The following ESRRG variants were observed in gnomAD, a reference collection of about 807,000 sequenced individuals.
ESRRG encodes estrogen-related receptor gamma.
Under a neutral mutation model 44.0 loss-of-function variants are expected in ESRRG, and 13 were observed. The ratio of observed to expected loss-of-function variants is 0.30; its 90% CI spans 0.19 to 0.47. ESRRG has a LOEUF of 0.47. Ranked by LOEUF, ESRRG falls within the 20% of genes least tolerant of loss-of-function variation. ESRRG has a pLI of 1.00. For synonymous variants in ESRRG, 215 were observed against 214.6 expected, an observed-to-expected ratio of 1.00 and a Z score of -0.02; for missense variants, 395 against 580.6, an observed-to-expected ratio of 0.68 and a Z score of 3.29.
chr1:216,904,042 A>G (rs1163229500), intron 2 of ESRRG, among the ~76,000 whole-genome samples: 1 of 152,138 alleles, frequency 6.6e-6, no homozygotes, highest in Non-Finnish European at 1.5e-5. Flanking sequence ...CACCTGCAAA[A>G]CAAGCATAGT....
intron 2 of ESRRG, among the ~76,000 whole-genome samples, chr1:216,827,907 G>C (rs919788779): frequency 1.3e-5 from 2 of 152,124 alleles, no homozygotes; most frequent in Non-Finnish European, 2.9e-5. Context: ...TTTGAATTAG[G>C]GTTTTGAAAG....
chr1:217,000,318 C>T (rs574530992), intron 1 of ESRRG: 26 of 152,274 alleles, frequency 1.7e-4, no homozygotes, highest in African/African-American at 4.8e-4. Flanking sequence ...TAGGCTATGA[C>T]GGAGACTCTG....
intron 1 of ESRRG, among the ~76,000 whole-genome samples, chr1:217,038,887 C>T (rs1203815678): frequency 6.6e-6 from 1 of 152,178 alleles, no homozygotes; most frequent in African/African-American, 2.4e-5. Context: ...CTCCATTTCC[C>T]TTTTAAAACC....
chr1:217,079,053 A>C (rs2091545985), intron 1 of ESRRG, among the ~76,000 whole-genome samples: 1 of 152,206 alleles, frequency 6.6e-6, no homozygotes, highest in Non-Finnish European at 1.5e-5. Flanking sequence ...CACCTTCTTT[A>C]TTATCATCCT....
intron 3 of ESRRG, among the ~76,000 whole-genome samples, chr1:216,614,722 A>C (rs1021821182): frequency 3.9e-5 from 6 of 152,246 alleles, no homozygotes; most frequent in African/African-American, 1.2e-4. Flanking sequence ...AAATGGACTC[A>C]AAAGTCAATT....
At chr1:217,050,922 A>C (rs558585549) in intron 1 of ESRRG, among the ~76,000 whole-genome samples, 21 of 152,174 alleles carry the variant, frequency 1.4e-4, no homozygotes, top group African/African-American at 5.1e-4. Context: ...TGCTCTGGTC[A>C]AGGAACATTG....
chr1:216,560,366 A>G (rs947979861), intron 5 of ESRRG, among the ~76,000 whole-genome samples: 1 of 152,216 alleles, frequency 6.6e-6, no homozygotes, highest in Non-Finnish European at 1.5e-5. Flanking sequence ...AAGATTTGCC[A>G]TATTAATAAA....
intron 2 of ESRRG, among the ~76,000 whole-genome samples, chr1:216,932,859 T>C (rs1178954381): frequency 1.3e-5 from 2 of 150,344 alleles, no homozygotes; most frequent in African/African-American, 2.4e-5. Flanking sequence ...TGAGCCACCA[T>C]GTCCAGCCAA....
At chr1:216,953,530 T>C (rs941913675) in intron 1 of ESRRG, among the ~76,000 whole-genome samples, 1 of 151,958 alleles carries the variant, frequency 6.6e-6, no homozygotes, top group African/African-American at 2.4e-5. Context: ...ATTTCAGAGA[T>C]TTGTTGTCTT....
chr1:216,623,819 ATG>A (rs2062710857), intron 3 of ESRRG, among the ~76,000 whole-genome samples: 1 of 152,202 alleles, frequency 6.6e-6, no homozygotes, highest in African/African-American at 2.4e-5. Flanking sequence ...GAAAATGCCC[ATG>A]TGTGTGCATA....
At chr1:216,606,477 G>T (rs1247525254) in intron 3 of ESRRG, among the ~76,000 whole-genome samples, 3 of 151,930 alleles carry the variant, frequency 2.0e-5, no homozygotes, top group Non-Finnish European at 2.9e-5. Flanking sequence ...TTTCAAATTG[G>T]CCAGAGATTA....
intron 2 of ESRRG, among the ~76,000 whole-genome samples, chr1:216,890,648 A>C (rs2057653396): frequency 6.6e-6 from 1 of 152,190 alleles, no homozygotes; most frequent in Non-Finnish European, 1.5e-5. Context: ...AACTCAGCCA[A>C]ATACATCCCC....
chr1:216,935,695 C>T (rs2064026197), intron 2 of ESRRG, among the ~76,000 whole-genome samples: 1 of 151,844 alleles, frequency 6.6e-6, no homozygotes, highest in South Asian at 2.1e-4. Flanking sequence ...TGGGTCACTG[C>T]AACCTCTGCC....
chr1:216,779,460 A>AAAATAAATATT (rs2093807547), intron 2 of ESRRG, among the ~76,000 whole-genome samples: 2 of 50,206 alleles, frequency 4.0e-5, no homozygotes, highest in African/African-American at 1.3e-4. Flanking sequence ...ATAAATATAA[A>AAAATAAATATT]TATAAATATA....
At chr1:216,940,660 A>C (rs1214189648) in intron 1 of ESRRG, among the ~76,000 whole-genome samples, 2 of 152,198 alleles carry the variant, frequency 1.3e-5, no homozygotes, top group African/African-American at 2.4e-5. Flanking sequence ...GACTTTGGGG[A>C]GTGAACACCT....
At chr1:216,535,374 C>A (rs1326307653) in intron 5 of ESRRG, among the ~76,000 whole-genome samples, 1 of 152,076 alleles carries the variant, frequency 6.6e-6, no homozygotes, top group Non-Finnish European at 1.5e-5. Flanking sequence ...GCAGGGAAAA[C>A]ATGAATCCAA....
chr1:216,716,285 A>G (rs2084859461), intron 1 of ESRRG, among the ~76,000 whole-genome samples: 2 of 152,030 alleles, frequency 1.3e-5, no homozygotes, highest in Non-Finnish European at 2.9e-5. Flanking sequence ...ACTTATTGCT[A>G]TCTATGCTAT....
At chr1:216,814,379 G>A (rs1271861195) in intron 2 of ESRRG, among the ~76,000 whole-genome samples, 1 of 152,148 alleles carries the variant, frequency 6.6e-6, no homozygotes, top group Non-Finnish European at 1.5e-5. Flanking sequence ...TTGCTTGTTT[G>A]GGGAATTGCT....
At chr1:216,564,408 GATCACTAGTAGT>G (rs2059316202) in intron 4 of ESRRG, 28 bp from the exon 5 acceptor site, 1 of 1,572,316 alleles carries the variant, frequency 6.4e-7, no homozygotes, top group South Asian at 1.2e-5. Flanking sequence ...AGCACTACAA[GATCACTAGTAGT>G]ATCATCCCTC....
Sources: allele counts gnomAD v4.1 joint callset (sites outside exome capture counted in the v4.1 genomes callset), GRCh38; gene constraint gnomAD v4.1.1; transcripts MANE v1.5; gene names NCBI Gene and HGNC (gene_info 2026-07-23, HGNC 2026-07-21).